Variants in TANC2 observed in about 807,000 individuals in gnomAD.
The protein encoded by TANC2 is protein TANC2.
In TANC2, 26 loss-of-function variants were observed where a neutral mutation model predicts 210.5. That is an observed-to-expected ratio of 0.12 (90% CI 0.09 to 0.17). The LOEUF (loss-of-function observed/expected upper bound fraction) is 0.17. Among genes scored for constraint, TANC2 ranks in the 10% least tolerant of loss-of-function variants. The probability of loss-of-function intolerance (pLI) is 1.00; values close to 1 mark genes in which losing one functional copy is unlikely to be tolerated. For missense variants in TANC2, 2,129 were observed against 2,608.9 expected (o/e 0.82, Z 4.01); for synonymous variants, 931 against 967.1 (o/e 0.96, Z 0.69).
At chr17:63,020,015 G>A (rs762722701) in intron 2 of TANC2, among the ~76,000 whole-genome samples, 3 of 152,058 alleles carry the variant, frequency 2.0e-5, no homozygotes, top group Non-Finnish European at 4.4e-5. Context: ...CAACCTCCCC[G>A]TCCCGGGTTC....
chr17:63,082,515 G>T (rs1348732197), intron 3 of TANC2, among the ~76,000 whole-genome samples: 2 of 152,128 alleles, frequency 1.3e-5, no homozygotes, highest in Non-Finnish European at 2.9e-5. Flanking sequence ...GGTAAATAAT[G>T]TAACAAAATT....
Position 63,204,284 on chromosome 17 carries a change from C to CAA in TANC2, c.769+3339_769+3340dup, listed in dbSNP as rs760772255. On this transcript the variant is annotated intron_variant, in intron 7 of 27. Coordinates refer to ENST00000689528, the Ensembl canonical transcript of TANC2. ...ATAGGAATAAATTTAACCAAGGAGGCAAAAAAAAAAAAATTCTACATTGAA... is the reference window on the plus strand; with the variant it reads ...ATAGGAATAAATTTAACCAAGGAGGCAAAAAAAAAAAAAAATTCTACATTGAA... 3.4e-3 allele frequency among the ~76,000 whole-genome samples: 432 copies of CAA among 128,530 alleles called. 6 individuals are homozygous for CAA. Among genetic ancestry groups the CAA allele is most frequent in the African/African-American group, 0.012 (420 of 35,354 alleles). 84.3% of individuals were successfully genotyped at this position (128,530 alleles called of 152,430 possible).
At chr17:63,160,454 C>G (rs188557730) in intron 5 of TANC2, among the ~76,000 whole-genome samples, 1 of 152,128 alleles carries the variant, frequency 6.6e-6, no homozygotes, top group Admixed American at 6.5e-5. Context: ...TTTAAAATTA[C>G]GTTGTATGTG....
chr17:63,270,567 G>T (rs905634430), intron 9 of TANC2, among the ~76,000 whole-genome samples: 1 of 152,068 alleles, frequency 6.6e-6, no homozygotes, highest in Admixed American at 6.6e-5. Context: ...TGAAATGATT[G>T]AAAATCTTTT....
At chr17:63,407,341 A>G (rs1414845546) in intron 21 of TANC2, among the ~76,000 whole-genome samples, 1 of 152,158 alleles carries the variant, frequency 6.6e-6, no homozygotes, top group Non-Finnish European at 1.5e-5. Flanking sequence ...TGGGGAAGCA[A>G]GGAGGAGGAA....
chr17:63,273,346 T>C (rs1422695740), intron 9 of TANC2, among the ~76,000 whole-genome samples: 3 of 152,140 alleles, frequency 2.0e-5, no homozygotes, highest in Non-Finnish European at 4.4e-5. Context: ...GATATTATCA[T>C]ATTAGAAATT....
intron 15 of TANC2, among the ~76,000 whole-genome samples, chr17:63,381,652 G>A (rs537944566): frequency 1.7e-4 from 26 of 152,166 alleles, no homozygotes; most frequent in Non-Finnish European, 3.2e-4. Flanking sequence ...TAAATAACCC[G>A]CTTTAAAGAA....
intron 4 of TANC2, 23 bp from the exon 5 acceptor site, chr17:63,151,247 T>A: frequency 1.1e-6 from 1 of 925,890 alleles, no homozygotes; most frequent in Non-Finnish European, 1.3e-6. Context: ...TCTTGCTTGC[T>A]CTCTCTCTCT....
At chr17:63,018,013 A>G (rs995241603) in intron 2 of TANC2, among the ~76,000 whole-genome samples, 3 of 152,024 alleles carry the variant, frequency 2.0e-5, no homozygotes, top group Non-Finnish European at 4.4e-5. Context: ...ACATGGTGAC[A>G]TGTAGTCCTA....
At chr17:63,191,139 A>G (rs2041171531) in intron 5 of TANC2, among the ~76,000 whole-genome samples, 1 of 152,018 alleles carries the variant, frequency 6.6e-6, no homozygotes, top group Non-Finnish European at 1.5e-5. Flanking sequence ...AAATGGTAGT[A>G]TTTAAGGAAG....
chr17:63,244,663 C>A (rs1363064375), intron 8 of TANC2, among the ~76,000 whole-genome samples: 1 of 152,184 alleles, frequency 6.6e-6, no homozygotes, highest in Non-Finnish European at 1.5e-5. Flanking sequence ...ACTGTCTCAT[C>A]CCTTCTTAAA....
chr17:63,271,509 A>G (rs1013420310), intron 9 of TANC2, among the ~76,000 whole-genome samples: 2 of 149,622 alleles, frequency 1.3e-5, no homozygotes, highest in Non-Finnish European at 2.9e-5. Context: ...TTACATAGGT[A>G]TACATGTGCC....
Position 63,023,958 on chromosome 17 carries a change from C to T in TANC2, c.67+14332C>T, listed in dbSNP as rs371164041. ...TTCTCATCAGATAGACACATGTATT[C>T]ACACTCATGTGTTCATATCTATTTC... On this transcript the variant is annotated intron_variant, in intron 2 of 27. Transcript: ENST00000689528. 2.6e-5 allele frequency among the ~76,000 whole-genome samples: 4 copies of T among 152,322 alleles called. No homozygotes were observed. In the East Asian group the frequency reaches 7.7e-4, roughly 29 times the overall value.
intron 19 of TANC2, among the ~76,000 whole-genome samples, chr17:63,400,840 A>G (rs1489689700): frequency 6.6e-6 from 1 of 151,064 alleles, no homozygotes; most frequent in Non-Finnish European, 1.5e-5. Flanking sequence ...TTTAGTAAAG[A>G]TGGGGTTTCA....
intron 11 of TANC2, among the ~76,000 whole-genome samples, chr17:63,324,511 T>C (rs531985350): frequency 5.1e-4 from 78 of 152,062 alleles, no homozygotes; most frequent in African/African-American, 1.8e-3. Context: ...ACACAGAAAA[T>C]GAAAAACAAT....
chr17:63,412,850 T>A lies in TANC2; in HGVS notation c.3928+141T>A. ...CACCTTAAAAGAAGATTTTTTTTAA[T>A]GACTGTTGTAGAGAATAACTTGAAC... is the stretch of plus-strand genomic sequence containing the variant. On this transcript the variant is annotated intron_variant, in intron 24 of 27. Transcript: ENST00000689528. This position sits in a 1 kb window ranked among gnomAD's most constrained non-coding sequence, Gnocchi z 4.2. 1 of 1,030,570 alleles carries A rather than the reference T, an allele frequency of 9.7e-7. No individual in the cohort carries two copies. The allele number at this position is 1,030,570 out of a possible 1,614,324, so 63.8% of individuals were successfully genotyped here.
At chr17:63,346,045 G>A (rs1358295845) in intron 12 of TANC2, among the ~76,000 whole-genome samples, 1 of 152,146 alleles carries the variant, frequency 6.6e-6, no homozygotes, top group Admixed American at 6.5e-5. Flanking sequence ...TCATCAGATG[G>A]TACTGGAACA....
At chr17:63,133,077 G>A (rs1242311513) in intron 4 of TANC2, among the ~76,000 whole-genome samples, 1 of 152,186 alleles carries the variant, frequency 6.6e-6, no homozygotes, top group Non-Finnish European at 1.5e-5. Flanking sequence ...GGGTTCAAGC[G>A]ATTCTCCTGC....
At chr17:63,381,845 A>C (rs1051460337) in intron 15 of TANC2, among the ~76,000 whole-genome samples, 1 of 152,220 alleles carries the variant, frequency 6.6e-6, no homozygotes, top group Non-Finnish European at 1.5e-5. Context: ...TTTAGATTCT[A>C]AGGAAGGGAC....
Sources: gnomAD v4.1 joint callset for allele counts (sites outside exome capture counted in the v4.1 genomes callset) on GRCh38, gnomAD v4.1.1 for gene constraint, Gnocchi (gnomAD v3.1) non-coding constraint, MANE v1.5 for transcripts, NCBI Gene and HGNC (gene_info 2026-07-23, HGNC 2026-07-21) for gene names.